SNTG2: variants seen among roughly 807,000 people sequenced by gnomAD.
The protein encoded by SNTG2 is syntrophin gamma 2, also known as gamma-2-syntrophin.
Under a neutral mutation model 70.9 loss-of-function variants are expected in SNTG2, and 74 were observed. That is an observed-to-expected ratio of 1.04 (90% CI 0.86 to 1.27). SNTG2 has a LOEUF of 1.27. SNTG2 is among the 50% of genes most tolerant of loss of function. The probability of loss-of-function intolerance (pLI) is 0.00; values close to 1 mark genes in which losing one functional copy is unlikely to be tolerated. For synonymous variants in SNTG2, 278 were observed against 273.8 expected, an observed-to-expected ratio of 1.02 and a Z score of -0.15; for missense variants, 717 against 690.7, an observed-to-expected ratio of 1.04 and a Z score of -0.43.
chr2:1,181,507 T>G (rs1671896624), intron 8 of SNTG2, among the ~76,000 whole-genome samples: 1 of 152,172 alleles, frequency 6.6e-6, no homozygotes, highest in South Asian at 2.1e-4. Context: ...AACCTTGTAA[T>G]CACAAGAAAC....
chr2:1,122,636 A>G (rs1170691055), intron 4 of SNTG2, among the ~76,000 whole-genome samples: 1 of 151,872 alleles, frequency 6.6e-6, no homozygotes, highest in African/African-American at 2.4e-5. Context: ...ACGCTTTAAC[A>G]TTAAGATCCT....
intron 16 of SNTG2, among the ~76,000 whole-genome samples, chr2:1,357,177 G>C (rs1660897548): frequency 6.6e-6 from 1 of 151,872 alleles, no homozygotes; most frequent in Non-Finnish European, 1.5e-5. Context: ...AATTCCTCTG[G>C]CTAGGATGTC....
chr2:1,026,640 T>A (rs1159451699), intron 1 of SNTG2, among the ~76,000 whole-genome samples: 1 of 152,160 alleles, frequency 6.6e-6, no homozygotes, highest in African/African-American at 2.4e-5. Flanking sequence ...CCAGCATGTC[T>A]CATTCTCCCG....
intron 1 of SNTG2, among the ~76,000 whole-genome samples, chr2:956,386 G>A (rs113631661): frequency 0.039 from 5,995 of 152,330 alleles, 387 homozygotes; most frequent in African/African-American, 0.14. Flanking sequence ...TCCCAGGCTG[G>A]AGCATAACCA....
Position 1,097,823 on chromosome 2 carries a change from T to C in SNTG2, c.211-373T>C, listed in dbSNP as rs541111802. Among the ~76,000 whole-genome samples, 1 of 151,812 alleles carries C rather than the reference T, an allele frequency of 6.6e-6. No homozygotes were observed. The highest frequency in any genetic ancestry group is 6.6e-5 in the Admixed American group (1 of 15,258). On this transcript the variant is annotated intron_variant, in intron 2 of 16. Transcript: ENST00000308624. This position sits in a 1 kb window ranked among gnomAD's most constrained non-coding sequence, Gnocchi z 4.1. The stretch of plus-strand genomic sequence containing the variant: ...CCTGGGGTTGGTGGGTAGAGAGCGG[T>C]TCTAAAACAGGACTGAGTGCTCCGC...
chr2:1,024,957 T>G (rs1413424312), intron 1 of SNTG2, among the ~76,000 whole-genome samples: 1 of 152,194 alleles, frequency 6.6e-6, no homozygotes, highest in African/African-American at 2.4e-5. Flanking sequence ...CAGGATATAA[T>G]GTTAGTTATT....
At chr2:1,191,820 C>G (rs751494231) in intron 8 of SNTG2, among the ~76,000 whole-genome samples, 4 of 151,794 alleles carry the variant, frequency 2.6e-5, no homozygotes, top group Non-Finnish European at 5.9e-5. Flanking sequence ...ATTTGTTAGT[C>G]CAGTGGTAGC....
rs115621993 is a variant in SNTG2 at position 958,287 on chromosome 2, T to C, written c.72+7219T>C. On this transcript the variant is annotated intron_variant, in intron 1 of 16. Transcript: ENST00000308624. The stretch of plus-strand genomic sequence containing the variant: ...GAGACAAAAGGATAACAACAGGAAT[T>C]AGGAAATCAGAATCAGGAGGAATAT... Among the ~76,000 whole-genome samples, 957 of 152,312 alleles carry C rather than the reference T, an allele frequency of 6.3e-3. 13 individuals are homozygous for C. The highest frequency in any genetic ancestry group is 0.022 in the African/African-American group (915 of 41,560).
intron 9 of SNTG2, among the ~76,000 whole-genome samples, chr2:1,211,540 A>G (rs1674041195): frequency 6.6e-6 from 1 of 152,184 alleles, no homozygotes; most frequent in South Asian, 2.1e-4. Flanking sequence ...ATAAAGAAAA[A>G]GAGGTTTAAT....
intron 1 of SNTG2, among the ~76,000 whole-genome samples, chr2:954,776 C>G (rs984661823): frequency 2.6e-5 from 4 of 152,220 alleles, no homozygotes; most frequent in African/African-American, 9.6e-5. Flanking sequence ...TGGCTGCCTT[C>G]CAGGGACCGT....
intron 1 of SNTG2, among the ~76,000 whole-genome samples, chr2:1,041,839 C>G (rs1334498332): frequency 1.3e-5 from 2 of 152,208 alleles, no homozygotes; most frequent in African/African-American, 4.8e-5. Flanking sequence ...GCCTAACACA[C>G]TAGCCGTCAG....
intron 6 of SNTG2, among the ~76,000 whole-genome samples, chr2:1,144,598 G>A (rs1320842818): frequency 6.6e-6 from 1 of 152,156 alleles, no homozygotes; most frequent in African/African-American, 2.4e-5. Flanking sequence ...CTACGTGGCT[G>A]GGGAGGCCTC....
intron 7 of SNTG2, among the ~76,000 whole-genome samples, chr2:1,170,563 A>G (rs961039936): frequency 4.6e-5 from 7 of 152,140 alleles, no homozygotes; most frequent in Admixed American, 3.9e-4. Context: ...GTTTTCTGTA[A>G]TGGAATCCCG....
intron 1 of SNTG2, among the ~76,000 whole-genome samples, chr2:1,077,984 T>G (rs546366936): frequency 6.6e-6 from 1 of 152,266 alleles, no homozygotes; most frequent in East Asian, 1.9e-4. Flanking sequence ...TCGTGGTGGA[T>G]TTTATGTTTT....
At chr2:1,075,333 G>A (rs981161499) in intron 1 of SNTG2, among the ~76,000 whole-genome samples, 2 of 152,128 alleles carry the variant, frequency 1.3e-5, no homozygotes, top group Non-Finnish European at 2.9e-5. Flanking sequence ...GCTGAGCTGT[G>A]GCCACCAGCA....
At chr2:1,287,960 G>GGAGCACCTGAGGCA (rs67793479) in intron 14 of SNTG2, among the ~76,000 whole-genome samples, 4 of 4,078 alleles carry the variant, frequency 9.8e-4, no homozygotes, top group Middle Eastern at 0.12. Context: ...GACCCGGGGT[G>GGAGCACCTGAGGCA]GAGCACCTGG....
chr2:1,131,131 G>A (rs572919013), intron 4 of SNTG2, among the ~76,000 whole-genome samples: 77 of 152,284 alleles, frequency 5.1e-4, no homozygotes, highest in Non-Finnish European at 8.8e-4. Context: ...TGGGGTTGAC[G>A]CAGGTTTCCA....
intron 14 of SNTG2, among the ~76,000 whole-genome samples, chr2:1,280,181 T>A (rs1679456074): frequency 6.6e-6 from 1 of 152,182 alleles, no homozygotes; most frequent in Non-Finnish European, 1.5e-5. Flanking sequence ...TTGTTTCTCC[T>A]GAAAAAAATC....
chr2:1,305,690 A>G (rs1421409288), intron 14 of SNTG2, among the ~76,000 whole-genome samples: 2 of 152,236 alleles, frequency 1.3e-5, no homozygotes, highest in Admixed American at 1.3e-4. Context: ...GAGACACTCT[A>G]TGTGTCTGGG....
Sources: gnomAD v4.1 joint callset for allele counts (sites outside exome capture counted in the v4.1 genomes callset) on GRCh38, gnomAD v4.1.1 for gene constraint, Gnocchi (gnomAD v3.1) non-coding constraint, MANE v1.5 for transcripts, NCBI Gene and HGNC (gene_info 2026-07-23, HGNC 2026-07-21) for gene names.